Variants in BTAF1 observed in about 807,000 individuals in gnomAD.
BTAF1 encodes B-TFIID TATA-box binding protein associated factor 1, also known as TATA-binding protein-associated factor 172.
In BTAF1, 38 loss-of-function variants were observed where a neutral mutation model predicts 227.1. The ratio of observed to expected loss-of-function variants is 0.17; its 90% CI spans 0.13 to 0.22. The LOEUF is 0.22. BTAF1 is among the 10% of genes least tolerant of loss of function. BTAF1 has a pLI of 1.00. For missense variants in BTAF1, 1,598 were observed against 2,204.0 expected (o/e 0.73, Z 5.51); for synonymous variants, 742 against 751.9 (o/e 0.99, Z 0.21).
At position 92,025,443 on chromosome 10, in the gene BTAF1, T is replaced by TAAA. The variant is rs1206825069; in HGVS notation, c.5075+484_5075+486dup. 4.0e-3 allele frequency among the ~76,000 whole-genome samples: 590 copies of TAAA among 147,988 alleles called. 3 individuals carry two copies. The highest frequency in any genetic ancestry group is 7.4e-3 in the Non-Finnish European group (496 of 67,068). ...AAATCTCAGTGGTTGCTTTTTTTTT[T>TAAA]AAAAAAAAAATGCAGATTCCTAGGT... is the stretch of plus-strand genomic sequence containing the variant. On this transcript the variant is annotated intron_variant, in intron 35 of 37. Transcript: ENST00000265990.
intron 28 of BTAF1, among the ~76,000 whole-genome samples, chr10:92,010,000 GT>G (rs1397688529): frequency 3.3e-5 from 5 of 151,904 alleles, no homozygotes; most frequent in African/African-American, 1.2e-4. Flanking sequence ...AAAATTTTTA[GT>G]TTTTATCTTG....
At chr10:92,018,333 G>A (rs1012665632) in intron 33 of BTAF1, among the ~76,000 whole-genome samples, 3 of 151,992 alleles carry the variant, frequency 2.0e-5, no homozygotes, top group Non-Finnish European at 4.4e-5. Context: ...CACCCACCTC[G>A]GCCTCCCAAA....
At chr10:91,959,506 GAT>G (rs1353324947) in intron 9 of BTAF1, among the ~76,000 whole-genome samples, 9 of 151,850 alleles carry the variant, frequency 5.9e-5, no homozygotes, top group Admixed American at 3.9e-4. Flanking sequence ...TAAGAATTGT[GAT>G]ATAGTATATC....
At position 91,962,521 on chromosome 10, in the gene BTAF1, C is replaced by A; in HGVS notation, c.1264-17C>A. 6.8e-7 allele frequency: 1 copy of A among 1,477,142 alleles called. No homozygotes were observed. The allele number at this position is 1,477,142 out of a possible 1,614,324, so 91.5% of individuals were successfully genotyped here. A position where few individuals can be genotyped will look rare whatever the true frequency, so the allele number is the denominator to read the frequency against. On this transcript the variant is annotated splice_polypyrimidine_tract_variant and intron_variant, in intron 11 of 37. Transcript: ENST00000265990. The stretch of plus-strand genomic sequence containing the variant: ...GTAGAATAGAAAATTAATTTATTTT[C>A]ATGTACTGTTTTACAGGATGTAATT...
chr10:91,928,069 AT>A (rs1222156355), intron 1 of BTAF1, among the ~76,000 whole-genome samples: 4 of 137,572 alleles, frequency 2.9e-5, no homozygotes, highest in Non-Finnish European at 4.7e-5. Flanking sequence ...TCATCGGAAT[AT>A]TTTTTTCTTT....
At chr10:91,999,653 A>G (rs1278833309) in intron 25 of BTAF1, among the ~76,000 whole-genome samples, 1 of 152,204 alleles carries the variant, frequency 6.6e-6, no homozygotes, top group East Asian at 1.9e-4. Flanking sequence ...TTGGCCTCCC[A>G]AAGTGCTGGG....
chr10:91,976,235 A>T (rs1038665094), intron 14 of BTAF1, among the ~76,000 whole-genome samples: 1 of 152,196 alleles, frequency 6.6e-6, no homozygotes, highest in Non-Finnish European at 1.5e-5. Context: ...AGGTATGGGG[A>T]TGAGGTACGT....
intron 28 of BTAF1, 146 bp from the exon 29 acceptor site, chr10:92,010,927 G>A: frequency 1.5e-6 from 1 of 653,894 alleles, no homozygotes; most frequent in Middle Eastern, 4.1e-4. Flanking sequence ...ATCATCAGAA[G>A]AGTAGCCCTT....
chr10:91,991,123 G>T (rs1039490314), intron 20 of BTAF1, among the ~76,000 whole-genome samples: 2 of 150,108 alleles, frequency 1.3e-5, no homozygotes, highest in Non-Finnish European at 3.0e-5. Flanking sequence ...GCAGGCACCT[G>T]TAGTCCCAGC....
intron 32 of BTAF1, among the ~76,000 whole-genome samples, chr10:92,016,028 T>G (rs1360014445): frequency 6.6e-6 from 1 of 152,206 alleles, no homozygotes; most frequent in Non-Finnish European, 1.5e-5. Context: ...TAAGATTTTC[T>G]TTTACTGGTA....
chr10:91,961,548 C>A (rs562351896), intron 11 of BTAF1, among the ~76,000 whole-genome samples: 2 of 152,134 alleles, frequency 1.3e-5, no homozygotes, highest in African/African-American at 4.8e-5. Context: ...TCCCTCTGCT[C>A]CCTTCCTTGC....
chr10:91,975,563 CAAATTAGTA>C (rs1320440243), intron 14 of BTAF1, among the ~76,000 whole-genome samples: 4 of 152,178 alleles, frequency 2.6e-5, no homozygotes, highest in Non-Finnish European at 5.9e-5. Context: ...GGTTTCAGAG[CAAATTAGTA>C]AAATTAGTGA....
chr10:92,027,748 AT>A (rs1372450032), intron 37 of BTAF1, among the ~76,000 whole-genome samples: 1 of 152,100 alleles, frequency 6.6e-6, no homozygotes, highest in Non-Finnish European at 1.5e-5. Context: ...AGCCATTGTT[AT>A]TGCAGATGAT....
At chr10:91,942,336 C>A in intron 3 of BTAF1, 86 bp from the exon 4 acceptor site, 14 of 848,992 alleles carry the variant, frequency 1.6e-5, no homozygotes, top group East Asian at 3.3e-5. Context: ...GTGTGTAACC[C>A]ATGCAACCCA....
Position 92,029,510 on chromosome 10 carries a change from T to C in BTAF1, c.*577T>C, listed in dbSNP as rs1914345. ...AGATGCATAGTGTTTTTCAAATCTT[T>C]AACATCATTTTTTCAACTTTTAAGA... On this transcript the variant is annotated 3_prime_UTR_variant, in exon 38 of 38. Transcript: ENST00000265990. 41,699 of 151,898 alleles carry C rather than the reference T, an allele frequency of 0.27. 7,011 individuals are homozygous for C. Among genetic ancestry groups the C allele is most frequent in the Non-Finnish European group, 0.38 (25,846 of 67,770 alleles). The allele number at this position is 151,898 out of a possible 1,614,324, so 9.4% of individuals were successfully genotyped here. A position where few individuals can be genotyped will look rare whatever the true frequency, so the allele number is the denominator to read the frequency against.
chr10:92,028,799 G>A lies in BTAF1; in HGVS notation c.5416G>A (p.Ala1806Thr). 8.2e-6 allele frequency: 13 copies of A among 1,580,914 alleles called. No individual in the cohort carries two copies. The highest frequency in any genetic ancestry group is 1.1e-5 in the Non-Finnish European group (13 of 1,170,152). The change falls in exon 38 of 38, where the codon GCA becomes ACA. Residue 1806 changes from alanine (A) to threonine (T), a missense_variant. Transcript: ENST00000265990. ...GCCAATTTTTCTTAAGGATGGCAAA[G>A]CAGAAAAAGCTGACACCTCTACTTC... ...DLFTLDKDGK[A>T]EKADTSTSGK...
chr10:91,960,266 T>C (rs910713475), intron 11 of BTAF1, 112 bp downstream of exon 11: 1 of 1,180,532 alleles, frequency 8.5e-7, no homozygotes, highest in African/African-American at 1.6e-5. Flanking sequence ...GAGAAGCCAG[T>C]CTTCCAAGAT....
At chr10:91,991,789 GTGTGTGTGTATATATATATA>G (rs1342983479) in intron 20 of BTAF1, among the ~76,000 whole-genome samples, 6,575 of 77,604 alleles carry the variant, frequency 0.085, 181 homozygotes, top group African/African-American at 0.21. Flanking sequence ...GTGTGTGTGT[GTGTGTGTGTATATATATATA>G]TATATATATA....
chr10:92,026,522 A>C, intron 35 of BTAF1, 70 bp from the exon 36 acceptor site: 8 of 1,265,266 alleles, frequency 6.3e-6, no homozygotes, highest in Non-Finnish European at 7.5e-6. Flanking sequence ...TGTGCTCTTT[A>C]ATTTTTATTA....
Sources: allele counts gnomAD v4.1 joint callset (sites outside exome capture counted in the v4.1 genomes callset), GRCh38; gene constraint gnomAD v4.1.1; transcripts MANE v1.5; gene names NCBI Gene and HGNC (gene_info 2026-07-23, HGNC 2026-07-21).